RSRC1: variants seen among roughly 807,000 people sequenced by gnomAD.
RSRC1 encodes the protein serine/Arginine-related protein 53.
In RSRC1, 39 loss-of-function variants were observed where a neutral mutation model predicts 49.1. That is an observed-to-expected ratio of 0.79 (90% CI 0.61 to 1.04). The LOEUF is 1.04. Among genes scored for constraint, RSRC1 ranks in the 50% least tolerant of loss-of-function variants. RSRC1 has a pLI of 0.00. For missense variants in RSRC1, 388 were observed against 402.4 expected (o/e 0.96, Z 0.31); for synonymous variants, 143 against 130.8 (o/e 1.09, Z -0.63).
intron 4 of RSRC1, among the ~76,000 whole-genome samples, chr3:158,254,839 T>C (rs1026117183): frequency 6.6e-6 from 1 of 152,234 alleles, no homozygotes; most frequent in Non-Finnish European, 1.5e-5. Flanking sequence ...CATTTTTTCA[T>C]GTGTCTGTTG....
chr3:158,180,052 T>C (rs968412718), intron 3 of RSRC1, among the ~76,000 whole-genome samples: 2 of 152,184 alleles, frequency 1.3e-5, no homozygotes, highest in Non-Finnish European at 2.9e-5. Flanking sequence ...TGTTAACTTG[T>C]TTTGTCCTTT....
chr3:158,457,723 GTTTTGTGTTTTTTTTTGTTTTTTTTT>G, intron 6 of RSRC1, among the ~76,000 whole-genome samples: 1 of 123,282 alleles, frequency 8.1e-6, no homozygotes, highest in South Asian at 3.1e-4. Flanking sequence ...CGTTTTTTGT[GTTTTGTGTTTTTTTTTGTTTTTTTTT>G]TTTGTTTGTT....
At chr3:158,420,000 T>C (rs1412209995) in intron 6 of RSRC1, among the ~76,000 whole-genome samples, 3 of 151,654 alleles carry the variant, frequency 2.0e-5, no homozygotes, top group Non-Finnish European at 1.5e-5. Flanking sequence ...CTCCTCCCTC[T>C]CTCCCTCACT....
intron 4 of RSRC1, among the ~76,000 whole-genome samples, chr3:158,205,888 C>T (rs550135967): frequency 3.2e-4 from 48 of 152,156 alleles, no homozygotes; most frequent in African/African-American, 1.1e-3. Flanking sequence ...GGGCCACATT[C>T]GAAGCTGTCC....
chr3:158,122,382 T>C, intron 2 of RSRC1, 84 bp downstream of exon 2: 4 of 1,087,120 alleles, frequency 3.7e-6, no homozygotes, highest in Non-Finnish European at 5.0e-6. Context: ...TTTTGCTAGA[T>C]AAAACATTTT....
rs1553769118 is a variant in RSRC1, at chr3:158,207,637, T to TTAGA, written c.494+4417_494+4420dup. Among the ~76,000 whole-genome samples the TTAGA allele has an allele frequency of 2.9e-3, 429 of 147,132 alleles. 2 individuals are homozygous for TTAGA. The highest frequency in any genetic ancestry group is 0.015 in the East Asian group (73 of 4,944). Reference sequence around the variant, plus strand: ...AACCTATGTGCAAAAGTAACAGTATTTAGATAGATAGATAGATAGATAGAT... The same window carrying TTAGA: ...AACCTATGTGCAAAAGTAACAGTATTTAGATAGATAGATAGATAGATAGATAGAT... On this transcript the variant is annotated intron_variant, in intron 4 of 9. Coordinates refer to ENST00000611884, the MANE Select transcript of RSRC1 (RefSeq NM_001271838.2).
intron 4 of RSRC1, among the ~76,000 whole-genome samples, chr3:158,233,422 T>C (rs1723074039): frequency 6.6e-6 from 1 of 152,124 alleles, no homozygotes; most frequent in South Asian, 2.1e-4. Flanking sequence ...GAGAAACTGA[T>C]TGTTATGAGA....
chr3:158,120,071 C>T (rs553183185), intron 1 of RSRC1, among the ~76,000 whole-genome samples: 3 of 152,162 alleles, frequency 2.0e-5, no homozygotes, highest in African/African-American at 4.8e-5. Context: ...CCTCAGGATC[C>T]GCCCGCCTCG....
chr3:158,387,670 T>C (rs1206273613), intron 6 of RSRC1, among the ~76,000 whole-genome samples: 1 of 152,200 alleles, frequency 6.6e-6, no homozygotes, highest in African/African-American at 2.4e-5. Context: ...CAAGTATTGG[T>C]ATGGTTTACA....
intron 4 of RSRC1, among the ~76,000 whole-genome samples, chr3:158,283,819 G>A (rs992124567): frequency 6.6e-6 from 1 of 151,840 alleles, no homozygotes; most frequent in Non-Finnish European, 1.5e-5. Context: ...TCCACTGGCA[G>A]TGCATGAGGA....
chr3:158,335,371 G>A (rs1347021204), intron 5 of RSRC1, among the ~76,000 whole-genome samples: 7 of 152,142 alleles, frequency 4.6e-5, no homozygotes, highest in Admixed American at 4.6e-4. Context: ...GGGCCTAGTT[G>A]AGAAGTAGTG....
chr3:158,479,317 C>G (rs2108433810), intron 7 of RSRC1, among the ~76,000 whole-genome samples: 1 of 150,206 alleles, frequency 6.7e-6, no homozygotes, highest in South Asian at 2.1e-4. Context: ...TATGGATTCC[C>G]AGAACAAAAG....
intron 3 of RSRC1, among the ~76,000 whole-genome samples, chr3:158,139,479 T>C (rs889212147): frequency 2.6e-5 from 4 of 152,164 alleles, no homozygotes; most frequent in African/African-American, 4.8e-5. Context: ...CATCAGGAAG[T>C]GCAGATAGTA....
intron 6 of RSRC1, among the ~76,000 whole-genome samples, chr3:158,435,564 G>A (rs1026520348): frequency 6.6e-6 from 1 of 151,128 alleles, no homozygotes; most frequent in Non-Finnish European, 1.5e-5. Flanking sequence ...TCTTAAATAT[G>A]TGCTATAAAG....
chr3:158,258,673 A>G (rs932980077), intron 4 of RSRC1, among the ~76,000 whole-genome samples: 2 of 152,086 alleles, frequency 1.3e-5, no homozygotes, highest in Non-Finnish European at 2.9e-5. Context: ...TAAGGCCAAT[A>G]ACGCTTAGAT....
At chr3:158,120,076 G>T (rs1160931264) in intron 1 of RSRC1, among the ~76,000 whole-genome samples, 2 of 152,048 alleles carry the variant, frequency 1.3e-5, no homozygotes, top group Non-Finnish European at 2.9e-5. Flanking sequence ...GGATCCGCCC[G>T]CCTCGGCCTC....
chr3:158,327,582 C>G (rs1195623287), intron 5 of RSRC1, among the ~76,000 whole-genome samples: 1 of 152,202 alleles, frequency 6.6e-6, no homozygotes, highest in Admixed American at 6.5e-5. Context: ...TTTGATTGCA[C>G]TGTGGTCTGA....
At chr3:158,202,562 T>TTATATATATA (rs56789942) in intron 3 of RSRC1, among the ~76,000 whole-genome samples, 4,182 of 91,990 alleles carry the variant, frequency 0.045, 238 homozygotes, top group East Asian at 0.089. Context: ...GTCTGGTAGA[T>TTATATATATA]TATATATATA....
At chr3:158,245,791 T>C (rs1723854156) in intron 4 of RSRC1, among the ~76,000 whole-genome samples, 1 of 152,192 alleles carries the variant, frequency 6.6e-6, no homozygotes, top group African/African-American at 2.4e-5. Context: ...GTCTTTGAAA[T>C]GTAAGAGCAT....
Sources: gnomAD v4.1 joint callset for allele counts (sites outside exome capture counted in the v4.1 genomes callset) on GRCh38, gnomAD v4.1.1 for gene constraint, MANE v1.5 for transcripts, NCBI Gene and HGNC (gene_info 2026-07-23, HGNC 2026-07-21) for gene names.